CA10: variants seen among roughly 807,000 people sequenced by gnomAD.
The protein encoded by CA10 is carbonic anhydrase 10 (inactive), also known as carbonic anhydrase-related protein 10.
CA10 carries 14 observed loss-of-function variants against 44.2 expected under a neutral mutation model. The ratio of observed to expected loss-of-function variants is 0.32; its 90% CI spans 0.21 to 0.50. The LOEUF (loss-of-function observed/expected upper bound fraction) is 0.50. CA10 is among the 20% of genes least tolerant of loss of function. The probability of loss-of-function intolerance (pLI) is 0.99; values close to 1 mark genes in which losing one functional copy is unlikely to be tolerated. For missense variants in CA10, 350 were observed against 409.7 expected (o/e 0.85, Z 1.26); for synonymous variants, 159 against 141.6 (o/e 1.12, Z -0.87).
chr17:51,982,342 T>A (rs1984679519), intron 2 of CA10, among the ~76,000 whole-genome samples: 1 of 151,944 alleles, frequency 6.6e-6, no homozygotes, highest in African/African-American at 2.4e-5. Flanking sequence ...CACATTGTGT[T>A]CAGCTTCTTG....
At chr17:51,867,752 T>A (rs188383944) in intron 3 of CA10, among the ~76,000 whole-genome samples, 1 of 152,184 alleles carries the variant, frequency 6.6e-6, no homozygotes, top group Admixed American at 6.5e-5. Flanking sequence ...ATTGATCAGA[T>A]TCAGACCTAG....
intron 2 of CA10, among the ~76,000 whole-genome samples, chr17:52,010,483 T>A (rs1024622022): frequency 6.6e-6 from 1 of 151,818 alleles, no homozygotes; most frequent in Non-Finnish European, 1.5e-5. Context: ...GCAACCTGGA[T>A]GGAAGTGGAG....
At chr17:51,667,163 A>G (rs1341582909) in intron 4 of CA10, among the ~76,000 whole-genome samples, 2 of 152,180 alleles carry the variant, frequency 1.3e-5, no homozygotes, top group Non-Finnish European at 2.9e-5. Context: ...GCCACATAGG[A>G]GGGAGGGAGC....
At chr17:52,120,891 C>A (rs1752587268) in intron 1 of CA10, among the ~76,000 whole-genome samples, 1 of 152,196 alleles carries the variant, frequency 6.6e-6, no homozygotes, top group African/African-American at 2.4e-5. Context: ...TTCAATGTGT[C>A]TGCATATCTA....
Position 51,812,266 on chromosome 17 carries a change from C to A in CA10, c.280-64448G>T, listed in dbSNP as rs182184685. 1.2e-4 allele frequency among the ~76,000 whole-genome samples: 18 copies of A among 152,280 alleles called. No individual in the cohort carries two copies. The South Asian group carries it at 3.1e-3, about 26-fold the overall frequency. ...AGACATTTAAAGATATTAAAAACAA[C>A]GGTAATACGTTTACTAATTCTTTTC... On this transcript the variant is annotated intron_variant, in intron 3 of 8. Coordinates refer to ENST00000451037, the MANE Select transcript of CA10 (RefSeq NM_020178.5).
chr17:51,764,037 A>G (rs1905286641), intron 3 of CA10, among the ~76,000 whole-genome samples: 1 of 151,516 alleles, frequency 6.6e-6, no homozygotes, highest in Non-Finnish European at 1.5e-5. Flanking sequence ...AAAAAAAAAA[A>G]AACTCTACAA....
chr17:51,953,900 C>T (rs750526742), intron 2 of CA10, among the ~76,000 whole-genome samples: 170 of 152,104 alleles, frequency 1.1e-3, no homozygotes, highest in Non-Finnish European at 2.1e-3. Context: ...CAGTGCCAGA[C>T]ACTGTACCTG....
At chr17:51,743,212 T>A (rs1173082960) in intron 4 of CA10, among the ~76,000 whole-genome samples, 1 of 152,212 alleles carries the variant, frequency 6.6e-6, no homozygotes, top group African/African-American at 2.4e-5. Context: ...ACTTGTCTAA[T>A]GTATCCCAAA....
At chr17:51,959,512 A>AG (rs1474542150) in intron 2 of CA10, among the ~76,000 whole-genome samples, 5 of 152,090 alleles carry the variant, frequency 3.3e-5, no homozygotes, top group South Asian at 2.1e-4. Flanking sequence ...AAAGTGGTAG[A>AG]GAAAAAGTAC....
intron 3 of CA10, among the ~76,000 whole-genome samples, chr17:51,919,997 A>G (rs1022053449): frequency 2.6e-5 from 4 of 152,194 alleles, no homozygotes; most frequent in African/African-American, 9.7e-5. Flanking sequence ...CCAGAAAACT[A>G]AAGTGGTATG....
At chr17:51,900,785 C>T (rs1173016018) in intron 3 of CA10, among the ~76,000 whole-genome samples, 1 of 152,116 alleles carries the variant, frequency 6.6e-6, no homozygotes, top group African/African-American at 2.4e-5. Flanking sequence ...ATTCTTTCCT[C>T]AGCTTGGTCA....
chr17:52,013,491 A>T (rs1317008639), intron 2 of CA10, among the ~76,000 whole-genome samples: 2 of 152,004 alleles, frequency 1.3e-5, no homozygotes, highest in African/African-American at 4.8e-5. Context: ...ATGATTAGCT[A>T]AAGAGGGCAT....
chr17:52,109,484 C>T (rs1405946773), intron 1 of CA10, among the ~76,000 whole-genome samples: 1 of 152,166 alleles, frequency 6.6e-6, no homozygotes, highest in Non-Finnish European at 1.5e-5. Context: ...CAGAACAAGG[C>T]ACTGTGTGGG....
At chr17:51,796,236 G>A (rs1906703476) in intron 3 of CA10, among the ~76,000 whole-genome samples, 2 of 151,576 alleles carry the variant, frequency 1.3e-5, no homozygotes, top group South Asian at 2.1e-4. Context: ...TTTTAGAGGC[G>A]ACCACTGAGG....
rs147405698 is a variant in CA10 at position 51,909,913 on chromosome 17, C to CAA, written c.279+21075_279+21076dup. Among the ~76,000 whole-genome samples the CAA allele has an allele frequency of 6.8e-3, 1,041 of 152,244 alleles. 13 individuals are homozygous for CAA. Among genetic ancestry groups the CAA allele is most frequent in the Middle Eastern group, 0.037 (11 of 294 alleles). On this transcript the variant is annotated intron_variant, in intron 3 of 8. Coordinates refer to ENST00000451037, the MANE Select transcript of CA10 (RefSeq NM_020178.5). ...CTGCACTGGCTCTTTTAAACTACTG[C>CAA]AAGTTCTTCCACTCTGTAATTGGAA...
At chr17:51,701,052 A>G (rs112464807) in intron 4 of CA10, among the ~76,000 whole-genome samples, 11,434 of 152,154 alleles carry the variant, frequency 0.075, 1,453 homozygotes, top group African/African-American at 0.26. Context: ...ACAACCCTGT[A>G]TGCCCTGCAC....
chr17:51,697,555 T>G (rs1290606338), intron 4 of CA10, among the ~76,000 whole-genome samples: 1 of 152,198 alleles, frequency 6.6e-6, no homozygotes, highest in Non-Finnish European at 1.5e-5. Context: ...TTGCTTTGCT[T>G]TCTCTTCTTT....
intron 2 of CA10, among the ~76,000 whole-genome samples, chr17:51,935,961 T>C (rs1191764191): frequency 2.6e-5 from 4 of 152,170 alleles, no homozygotes; most frequent in African/African-American, 4.8e-5. Context: ...GAAGTTAGAT[T>C]GTGCTTTTAG....
At chr17:52,050,943 G>C (rs1268645488) in intron 2 of CA10, among the ~76,000 whole-genome samples, 3 of 151,544 alleles carry the variant, frequency 2.0e-5, no homozygotes, top group African/African-American at 7.3e-5. Flanking sequence ...ACCCTGTTTA[G>C]TGCCTGGGTT....
Sources: allele counts gnomAD v4.1 joint callset (sites outside exome capture counted in the v4.1 genomes callset), GRCh38; gene constraint gnomAD v4.1.1; transcripts MANE v1.5; gene names NCBI Gene and HGNC (gene_info 2026-07-23, HGNC 2026-07-21).